The following PHLDB2 variants were observed in gnomAD, a reference collection of about 807,000 sequenced individuals.
The protein encoded by PHLDB2 is pleckstrin homology-like domain family B member 2.
A neutral mutation model predicts 123.6 loss-of-function variants in PHLDB2; 71 were observed. That is an observed-to-expected ratio of 0.57 (90% confidence interval 0.47 to 0.70). The LOEUF (loss-of-function observed/expected upper bound fraction) is 0.70, where lower values mean the gene tolerates loss of function less well. Among genes scored for constraint, PHLDB2 ranks in the 30% least tolerant of loss-of-function variants. The pLI, the probability that PHLDB2 is intolerant of heterozygous loss-of-function variation, is 0.00. For missense variants in PHLDB2, 1,446 were observed against 1,519.5 expected, an observed-to-expected ratio of 0.95 and a Z score of 0.80; for synonymous variants, 547 against 541.6, an observed-to-expected ratio of 1.01 and a Z score of -0.14.
chr3:111,859,904 T>C (rs541801582), intron 1 of PHLDB2: 191 of 984,688 alleles, frequency 1.9e-4, no homozygotes, highest in Non-Finnish European at 2.2e-4. Flanking sequence ...GGACACAGAG[T>C]TTCTTTGCTT....
At chr3:111,745,919 C>G (rs534485269) in intron 1 of PHLDB2, among the ~76,000 whole-genome samples, 4 of 152,316 alleles carry the variant, frequency 2.6e-5, no homozygotes, top group African/African-American at 9.6e-5. Flanking sequence ...TGAATTGTCT[C>G]TGTCACCTGA....
At chr3:111,855,593 T>G (rs149317702), upstream of PHLDB2, among the ~76,000 whole-genome samples, 1 of 151,282 alleles carries the variant, frequency 6.6e-6, no homozygotes, top group African/African-American at 2.4e-5. Context: ...TGCACTTTAT[T>G]GAGTGCTTTC....
intron 1 of PHLDB2, among the ~76,000 whole-genome samples, chr3:111,799,702 AT>A (rs1346282271): frequency 3.9e-5 from 6 of 152,210 alleles, no homozygotes; most frequent in Non-Finnish European, 8.8e-5. Flanking sequence ...TATACTGTGA[AT>A]ATCTTCCTAT....
intron 1 of PHLDB2, among the ~76,000 whole-genome samples, chr3:111,865,010 G>T (rs1182219621): frequency 2.6e-5 from 4 of 152,156 alleles, no homozygotes; most frequent in South Asian, 2.1e-4. Flanking sequence ...AGTTTTCCAA[G>T]ATTTCTTTCT....
intron 6 of PHLDB2, among the ~76,000 whole-genome samples, chr3:111,937,612 A>C (rs1559912099): frequency 6.6e-6 from 1 of 151,912 alleles, no homozygotes; most frequent in South Asian, 2.1e-4. Context: ...CCCATTCTAC[A>C]AAAAAGTACA....
chr3:111,964,259 T>G (rs2071603748), intron 13 of PHLDB2, among the ~76,000 whole-genome samples: 1 of 150,378 alleles, frequency 6.6e-6, no homozygotes, highest in Admixed American at 6.6e-5. Context: ...AGTGCTATCA[T>G]AGAATTAAGG....
chr3:111,895,690 A>G (rs1055927353), intron 2 of PHLDB2, among the ~76,000 whole-genome samples: 1 of 152,114 alleles, frequency 6.6e-6, no homozygotes, highest in Non-Finnish European at 1.5e-5. Context: ...TCTACTAAAA[A>G]AATACAAAAT....
chr3:111,807,611 C>T (rs894510228), intron 1 of PHLDB2, among the ~76,000 whole-genome samples: 12 of 152,024 alleles, frequency 7.9e-5, no homozygotes, highest in Non-Finnish European at 1.0e-4. Context: ...TTAATTTACA[C>T]GCCTGTAGTC....
intron 1 of PHLDB2, among the ~76,000 whole-genome samples, chr3:111,743,233 G>A (rs1441798361): frequency 1.3e-5 from 2 of 152,134 alleles, no homozygotes; most frequent in African/African-American, 4.8e-5. Flanking sequence ...AGGAAGTTTC[G>A]ATCCCTGGAG....
chr3:111,778,910 T>C (rs1305203693), intron 1 of PHLDB2, among the ~76,000 whole-genome samples: 4 of 152,128 alleles, frequency 2.6e-5, no homozygotes, highest in African/African-American at 9.7e-5. Flanking sequence ...AATTTTCCTT[T>C]GCTCACACAG....
chr3:111,916,106 A>T (rs571058882), intron 3 of PHLDB2: 3 of 152,218 alleles, frequency 2.0e-5, no homozygotes, highest in African/African-American at 4.8e-5. Context: ...CTATGACAAG[A>T]ATGCTGTTGG....
At chr3:111,960,069 C>T (rs997725491) in intron 12 of PHLDB2, 67 of 486,726 alleles carry the variant, frequency 1.4e-4, no homozygotes, top group Admixed American at 5.1e-4. Flanking sequence ...AGAAAATATA[C>T]GTGTGTGAGC....
intron 1 of PHLDB2, among the ~76,000 whole-genome samples, chr3:111,789,770 C>T (rs1466904422): frequency 3.9e-5 from 6 of 152,112 alleles, no homozygotes; most frequent in East Asian, 1.9e-4. Context: ...CAGTTACCGC[C>T]GTGCCAAAAT....
chr3:111,831,141 C>G (rs1451665221), intron 1 of PHLDB2, among the ~76,000 whole-genome samples: 4 of 151,968 alleles, frequency 2.6e-5, no homozygotes, highest in Non-Finnish European at 5.9e-5. Flanking sequence ...TAATCAGAAT[C>G]TACAGGAGAT....
intron 1 of PHLDB2, among the ~76,000 whole-genome samples, chr3:111,798,837 G>A (rs1008210637): frequency 7.9e-5 from 12 of 152,162 alleles, no homozygotes; most frequent in South Asian, 4.1e-4. Context: ...CCTCATATGA[G>A]GGCCAGGAAG....
chr3:111,860,499 A>G (rs138664556), intron 1 of PHLDB2, among the ~76,000 whole-genome samples: 70 of 152,308 alleles, frequency 4.6e-4, no homozygotes, highest in African/African-American at 1.6e-3. Flanking sequence ...TTCGCTTAAT[A>G]ACTTAGCCCT....
At chr3:111,900,415 C>T (rs1321685416) in intron 2 of PHLDB2, among the ~76,000 whole-genome samples, 1 of 152,108 alleles carries the variant, frequency 6.6e-6, no homozygotes, top group Non-Finnish European at 1.5e-5. Flanking sequence ...CAGTTGAACA[C>T]TTAGAGGCTA....
chr3:111,958,635 A>G (rs529202608), intron 12 of PHLDB2: 25 of 442,644 alleles, frequency 5.6e-5, no homozygotes, highest in South Asian at 2.9e-4. Flanking sequence ...ACAAGCCTCA[A>G]TTAGGTCTTG....
rs1314314676 is a variant in PHLDB2 at position 111,910,095 on chromosome 3, A to G, written c.1336-3224A>G. The stretch of plus-strand genomic sequence containing the variant: ...CAGACACAGTCCTCTGAAGATGGAA[A>G]AAAGCTCAGAGGTCAAAAAACATAC... On this transcript the variant is annotated intron_variant, in intron 2 of 17. Coordinates refer to ENST00000431670, the MANE Select transcript of PHLDB2 (RefSeq NM_001134438.2). 7.9e-5 allele frequency among the ~76,000 whole-genome samples: 12 copies of G among 152,096 alleles called. 1 individual carries two copies. The highest frequency in any genetic ancestry group is 7.9e-4 in the Admixed American group (12 of 15,274).
Sources: allele counts gnomAD v4.1 joint callset (sites outside exome capture counted in the v4.1 genomes callset), GRCh38; gene constraint gnomAD v4.1.1; transcripts MANE v1.5; gene names NCBI Gene and HGNC (gene_info 2026-07-23, HGNC 2026-07-21).